LVRN: variants seen among roughly 807,000 people sequenced by gnomAD.
LVRN encodes aminopeptidase Q.
Under a neutral mutation model 111.4 loss-of-function variants are expected in LVRN, and 99 were observed. The observed-to-expected ratio is 0.89, with a 90% CI of 0.76 to 1.05. LVRN has a LOEUF of 1.05. LVRN is among the 50% of genes least tolerant of loss of function. The pLI is 0.00. For missense variants in LVRN, 1,414 were observed against 1,206.8 expected (o/e 1.17, Z -2.54); for synonymous variants, 488 against 449.5 (o/e 1.09, Z -1.08).
intron 1 of LVRN, among the ~76,000 whole-genome samples, chr5:115,970,875 G>A (rs1163851885): frequency 6.6e-6 from 1 of 152,122 alleles, no homozygotes; most frequent in Non-Finnish European, 1.5e-5. Flanking sequence ...TTTTTCTTGA[G>A]TAAATACCTA....
intron 1 of LVRN, among the ~76,000 whole-genome samples, chr5:115,967,507 A>C (rs2112548007): frequency 6.6e-6 from 1 of 152,336 alleles, no homozygotes; most frequent in Non-Finnish European, 1.5e-5. Context: ...TGCCAGTACT[A>C]CATAGTCTTG....
rs1225109524 is a variant in LVRN at position 116,000,471 on chromosome 5, T to G, written c.1554T>G (p.Asn518Lys). Residue 518 changes from asparagine (N) to lysine (K), a missense_variant, in exon 8 of 20, where the codon AAT becomes AAG. Asn to Lys is a moderately conservative substitution (Grantham distance 94). Transcript: ENST00000357872. Reference protein sequence around the residue: ...SMARMLSCFLNEHLFVSALKS... With the variant: ...SMARMLSCFLKEHLFVSALKS... ...CCCGGATGCTTTCTTGTTTCTTGAA[T>G]GAGCATTTATTTGTCAGTGCACTCA... 1.9e-6 allele frequency: 3 copies of G among 1,614,074 alleles called. No homozygotes were observed. Among genetic ancestry groups the G allele is most frequent in the Non-Finnish European group, 2.5e-6 (3 of 1,180,024 alleles).
At chr5:115,981,696 T>G (rs991107502) in intron 1 of LVRN, among the ~76,000 whole-genome samples, 1 of 152,132 alleles carries the variant, frequency 6.6e-6, no homozygotes, top group Non-Finnish European at 1.5e-5. Context: ...CTGTTTTTCT[T>G]TTGGAACCCA....
intron 13 of LVRN, among the ~76,000 whole-genome samples, chr5:116,008,023 G>A (rs961458109): frequency 2.0e-5 from 3 of 152,220 alleles, no homozygotes; most frequent in African/African-American, 4.8e-5. Context: ...CTTCTTTGGC[G>A]TTTCCATTCC....
intron 1 of LVRN, among the ~76,000 whole-genome samples, chr5:115,969,799 C>CAAA (rs35835980): frequency 1.4e-4 from 16 of 113,810 alleles, no homozygotes; most frequent in Non-Finnish European, 2.3e-4. Flanking sequence ...GACTCGATCT[C>CAAA]AAAAAAAAAA....
At chr5:116,006,014 C>T (rs778507424) in intron 13 of LVRN, 47 bp downstream of exon 13, 1 of 1,444,210 alleles carries the variant, frequency 6.9e-7, no homozygotes, top group South Asian at 1.2e-5. Context: ...ACCTTGAGAC[C>T]TTTATAAAAA....
intron 18 of LVRN, among the ~76,000 whole-genome samples, chr5:116,020,537 T>A (rs553200736): frequency 1.3e-5 from 2 of 152,342 alleles, no homozygotes; most frequent in Admixed American, 1.3e-4. Context: ...CATGTTATTA[T>A]ATAGCCTAAA....
At chr5:116,008,010 C>T (rs1748413189) in intron 13 of LVRN, among the ~76,000 whole-genome samples, 2 of 152,168 alleles carry the variant, frequency 1.3e-5, no homozygotes, top group African/African-American at 4.8e-5. Context: ...CATCTCTCTC[C>T]CTCTTCTTTG....
rs192932190 is a variant in LVRN at position 115,976,637 on chromosome 5, T to C, written c.696-6650T>C. Among the ~76,000 whole-genome samples, 202 of 152,284 alleles carry C rather than the reference T, an allele frequency of 1.3e-3. 1 individual carries two copies. The highest frequency in any genetic ancestry group is 4.8e-3 in the African/African-American group (198 of 41,572). ...AAATGATGTTATGTTGTTTTTATCT[T>C]TTTTTTGGAAGTTCAGAATACTTTC... On this transcript the variant is annotated intron_variant, in intron 1 of 19. Transcript: ENST00000357872.
chr5:115,976,757 A>C (rs1753458599), intron 1 of LVRN, among the ~76,000 whole-genome samples: 1 of 152,122 alleles, frequency 6.6e-6, no homozygotes, highest in African/African-American at 2.4e-5. Context: ...TTTTTTATTG[A>C]ATGCCTGACA....
intron 1 of LVRN, among the ~76,000 whole-genome samples, chr5:115,982,929 T>C (rs921046061): frequency 6.6e-6 from 1 of 152,170 alleles, no homozygotes; most frequent in African/African-American, 2.4e-5. Context: ...AATGGACCAT[T>C]CTCAAAGAAG....
chr5:116,003,726 C>T, intron 12 of LVRN, among the ~76,000 whole-genome samples: 1 of 151,916 alleles, frequency 6.6e-6, no homozygotes. Context: ...GGACTACAGG[C>T]GCCTGCCACC....
chr5:115,980,358 G>A (rs538482446), intron 1 of LVRN, among the ~76,000 whole-genome samples: 7 of 152,086 alleles, frequency 4.6e-5, no homozygotes, highest in Non-Finnish European at 7.4e-5. Context: ...TTAAGGTTGA[G>A]AGCCAAAGGC....
At chr5:115,995,103 G>T (rs772013120) in intron 6 of LVRN, among the ~76,000 whole-genome samples, 9 of 152,136 alleles carry the variant, frequency 5.9e-5, no homozygotes, top group Non-Finnish European at 1.2e-4. Flanking sequence ...ATCTCTACTT[G>T]CTGGATCTTC....
intron 1 of LVRN, among the ~76,000 whole-genome samples, chr5:115,979,315 G>A (rs766141552): frequency 2.0e-5 from 3 of 152,130 alleles, no homozygotes; most frequent in Non-Finnish European, 2.9e-5. Flanking sequence ...GGGCTTCTAA[G>A]CCTCTCAGCC....
chr5:116,007,826 C>T (rs1292350692), intron 13 of LVRN, among the ~76,000 whole-genome samples: 2 of 152,216 alleles, frequency 1.3e-5, no homozygotes, highest in Non-Finnish European at 2.9e-5. Flanking sequence ...TTTGGTAATT[C>T]TTACAAAATT....
Position 116,003,305 on chromosome 5 carries a change from G to C in LVRN, c.1962G>C (p.Met654Ile), listed in dbSNP as rs761225320. 3.8e-5 allele frequency: 60 copies of C among 1,565,368 alleles called. No individual in the cohort carries two copies. The highest frequency in any genetic ancestry group is 5.1e-5 in the Non-Finnish European group (59 of 1,147,934). ...DHDWVILNLN[M>I]TGYYRVNYDK... ...ACTGGGTGATTTTGAATTTGAATAT[G>C]ACTGGATATTATAGAGTTAATTATG... The change falls in exon 12 of 20, where the codon ATG becomes ATC. Residue 654 changes from methionine to isoleucine, a missense_variant. Met to Ile is a conservative substitution (Grantham distance 10). Coordinates refer to ENST00000357872, the MANE Select transcript of LVRN (RefSeq NM_173800.5).
intron 1 of LVRN, chr5:115,975,087 G>T (rs1420555367): frequency 5.7e-6 from 2 of 348,260 alleles, no homozygotes; most frequent in Non-Finnish European, 1.1e-5. Flanking sequence ...ATGGCAACCA[G>T]ATCCAGTGTA....
At chr5:115,983,916 C>G (rs997336559) in intron 2 of LVRN, among the ~76,000 whole-genome samples, 4 of 152,264 alleles carry the variant, frequency 2.6e-5, no homozygotes, top group South Asian at 2.1e-4. Flanking sequence ...TTGAGAAGAG[C>G]CTTTAAGTCT....
Sources: gnomAD v4.1 joint callset for allele counts (sites outside exome capture counted in the v4.1 genomes callset) on GRCh38, gnomAD v4.1.1 for gene constraint, MANE v1.5 for transcripts, NCBI Gene and HGNC (gene_info 2026-07-23, HGNC 2026-07-21) for gene names.